CNTN4: variants seen among roughly 807,000 people sequenced by gnomAD.
CNTN4 encodes the protein contactin 4.
CNTN4 carries 77 observed loss-of-function variants against 122.5 expected under a neutral mutation model. That is an observed-to-expected ratio of 0.63 (90% CI 0.52 to 0.76). The LOEUF (loss-of-function observed/expected upper bound fraction) is 0.76, where lower values mean the gene tolerates loss of function less well. CNTN4 is among the 30% of genes least tolerant of loss of function. The pLI is 0.00. For synonymous variants in CNTN4, 512 were observed against 447.0 expected, an observed-to-expected ratio of 1.15 and a Z score of -1.83; for missense variants, 1,256 against 1,259.1, an observed-to-expected ratio of 1.00 and a Z score of 0.04.
intron 12 of CNTN4, among the ~76,000 whole-genome samples, chr3:2,908,306 T>G (rs1330077617): frequency 6.6e-6 from 1 of 152,222 alleles, no homozygotes; most frequent in Non-Finnish European, 1.5e-5. Context: ...AGTATTTGTG[T>G]CCACTCAGAT....
At chr3:2,429,835 C>T (rs1441700534) in intron 3 of CNTN4, among the ~76,000 whole-genome samples, 3 of 152,182 alleles carry the variant, frequency 2.0e-5, no homozygotes, top group Admixed American at 1.3e-4. Context: ...TCTCAGACTG[C>T]TGTGCTAACA....
chr3:3,039,221 A>G (rs1699917500), intron 19 of CNTN4: 2 of 543,502 alleles, frequency 3.7e-6, no homozygotes, highest in Non-Finnish European at 3.3e-6. Context: ...CATCACAGTA[A>G]AAACAATTAT....
chr3:2,469,367 C>T (rs1188651855), intron 3 of CNTN4, among the ~76,000 whole-genome samples: 3 of 152,192 alleles, frequency 2.0e-5, no homozygotes, highest in African/African-American at 7.2e-5. Flanking sequence ...TGCAACTGAT[C>T]ATTTGATTTT....
intron 2 of CNTN4, among the ~76,000 whole-genome samples, chr3:2,152,091 A>C (rs2035516749): frequency 6.6e-6 from 1 of 152,202 alleles, no homozygotes; most frequent in Non-Finnish European, 1.5e-5. Flanking sequence ...ACTGAGGTCA[A>C]GGTAGGTCTC....
intron 2 of CNTN4, among the ~76,000 whole-genome samples, chr3:2,103,711 ATTTT>A (rs1302685276): frequency 2.4e-5 from 3 of 125,020 alleles, no homozygotes; most frequent in Non-Finnish European, 5.2e-5. Flanking sequence ...TTGCAAAATT[ATTTT>A]TTATTTATCT....
At chr3:2,821,581 C>T (rs1018025160) in intron 7 of CNTN4, among the ~76,000 whole-genome samples, 5 of 152,084 alleles carry the variant, frequency 3.3e-5, no homozygotes, top group African/African-American at 4.8e-5. Flanking sequence ...ATGTGTTATG[C>T]CCTGGAAAAT....
chr3:2,669,805 T>C (rs1162105811), intron 4 of CNTN4, among the ~76,000 whole-genome samples: 2 of 152,236 alleles, frequency 1.3e-5, no homozygotes, highest in African/African-American at 2.4e-5. Context: ...TTTGTTCTCC[T>C]TGGTTTCCAA....
chr3:2,123,627 A>T (rs2033936520), intron 2 of CNTN4, among the ~76,000 whole-genome samples: 1 of 152,158 alleles, frequency 6.6e-6, no homozygotes, highest in Non-Finnish European at 1.5e-5. Context: ...TCGCAAGATT[A>T]ATTGAGATGC....
At chr3:2,966,056 A>G (rs1395872021) in intron 13 of CNTN4, among the ~76,000 whole-genome samples, 1 of 152,134 alleles carries the variant, frequency 6.6e-6, no homozygotes, top group African/African-American at 2.4e-5. Context: ...GGTTATTTCC[A>G]ATTCATCTTT....
chr3:2,988,895 G>C lies in CNTN4; in HGVS notation c.1486+423G>C, dbSNP rs1177802625. On this transcript the variant is annotated intron_variant, in intron 14 of 24. Transcript: ENST00000418658. ...GACATTGGTAATTTTTAAGATAGCT[G>C]TCCCATTTATTCAGAGATATGGATA... The C allele has an allele frequency of 1.7e-5, 4 of 238,606 alleles. No homozygotes were observed. In the South Asian group the frequency reaches 2.2e-4, roughly 13 times the overall value. 14.8% of individuals were successfully genotyped at this position (238,606 alleles called of 1,614,324 possible).
At chr3:2,743,886 C>T (rs1054336079) in intron 5 of CNTN4, among the ~76,000 whole-genome samples, 1 of 152,134 alleles carries the variant, frequency 6.6e-6, no homozygotes, top group Admixed American at 6.5e-5. Flanking sequence ...CCTTGGCTCG[C>T]TGCAGCCTCA....
At position 2,988,459 on chromosome 3, in the gene CNTN4, C is replaced by T. The variant is rs749551270; in HGVS notation, c.1473C>T (p.Asn491=). ...TTGGAACTGCTAGCAGTACTGGAAACTTGGTAGTGAAAGGTAATGGCTAAC... is the reference window on the plus strand; with the variant it reads ...TTGGAACTGCTAGCAGTACTGGAAATTTGGTAGTGAAAGGTAATGGCTAAC... ...NHFGTASSTG[N]LVVKDPTRVM... is the part of the protein sequence containing the mutation. Residue 491 remains asparagine, a synonymous_variant, in exon 14 of 25, where the codon AAC becomes AAT. Transcript: ENST00000418658. 1 of 1,613,728 alleles carries T rather than the reference C, an allele frequency of 6.2e-7. No individual in the cohort carries two copies. Among genetic ancestry groups the T allele is most frequent in the South Asian group, 1.1e-5 (1 of 91,076 alleles).
At chr3:2,396,043 A>G (rs1054418884) in intron 3 of CNTN4, among the ~76,000 whole-genome samples, 38 of 140,368 alleles carry the variant, frequency 2.7e-4, no homozygotes, top group African/African-American at 9.1e-4. Context: ...TGTTGTTGTT[A>G]TTTTTTTTTT....
chr3:2,337,480 T>A (rs1253545366), intron 2 of CNTN4, among the ~76,000 whole-genome samples: 1 of 152,104 alleles, frequency 6.6e-6, no homozygotes, highest in African/African-American at 2.4e-5. Flanking sequence ...TTATGTAATT[T>A]AATTATTAAT....
intron 12 of CNTN4, among the ~76,000 whole-genome samples, chr3:2,925,225 T>G (rs1298953489): frequency 1.3e-5 from 2 of 152,140 alleles, no homozygotes; most frequent in African/African-American, 2.4e-5. Flanking sequence ...ATTAGCTTCC[T>G]CCCTTTGATG....
chr3:2,886,131 G>T (rs1197449997), intron 9 of CNTN4, among the ~76,000 whole-genome samples: 1 of 152,104 alleles, frequency 6.6e-6, no homozygotes, highest in Non-Finnish European at 1.5e-5. Context: ...GAATGTGAAA[G>T]AATTTGCAGC....
Position 2,762,530 on chromosome 3 carries a change from C to T in CNTN4, c.358+16833C>T, listed in dbSNP as rs899398215. Among the ~76,000 whole-genome samples the T allele has an allele frequency of 2.6e-5, 4 of 152,178 alleles. No homozygotes were observed. The South Asian group carries it at 8.3e-4, about 32-fold the overall frequency. Reference sequence around the variant, plus strand: ...GCTCCATCCGTGTCTCTGCAAGGGACATGATCTCATTGTGTATGTACCACA... The same window carrying T: ...GCTCCATCCGTGTCTCTGCAAGGGATATGATCTCATTGTGTATGTACCACA... On this transcript the variant is annotated intron_variant, in intron 6 of 24. Coordinates refer to ENST00000418658, the MANE Select transcript of CNTN4 (RefSeq NM_175607.3).
chr3:2,513,351 G>C (rs369525285), intron 3 of CNTN4, among the ~76,000 whole-genome samples: 8 of 152,106 alleles, frequency 5.3e-5, no homozygotes, highest in Non-Finnish European at 1.0e-4. Context: ...ATATGATCTT[G>C]TGCAAGATGT....
intron 2 of CNTN4, among the ~76,000 whole-genome samples, chr3:2,125,330 C>CTGTGTGTGTGTGTGTGTG (rs397721422): frequency 1.1e-3 from 159 of 143,460 alleles, no homozygotes; most frequent in African/African-American, 3.5e-3. Context: ...ATTCTATTCT[C>CTGTGTGTGTGTGTGTGTG]TGTGTGTGTG....
Sources: gnomAD v4.1 joint callset for allele counts (sites outside exome capture counted in the v4.1 genomes callset) on GRCh38, gnomAD v4.1.1 for gene constraint, MANE v1.5 for transcripts, NCBI Gene and HGNC (gene_info 2026-07-23, HGNC 2026-07-21) for gene names.